Variants in ARHGEF11 observed in about 807,000 individuals in gnomAD.
ARHGEF11 encodes the protein Rho guanine nucleotide exchange factor 11.
A neutral mutation model predicts 193.7 loss-of-function variants in ARHGEF11; 55 were observed. The ratio of observed to expected loss-of-function variants is 0.28; its 90% CI spans 0.23 to 0.36. The LOEUF is 0.36. Among genes scored for constraint, ARHGEF11 ranks in the 10% least tolerant of loss-of-function variants. The pLI, the probability that ARHGEF11 is intolerant of heterozygous loss-of-function variation, is 1.00. For synonymous variants in ARHGEF11, 693 were observed against 768.0 expected (o/e 0.90, Z 1.62); for missense variants, 1,723 against 2,005.6 (o/e 0.86, Z 2.69).
intron 38 of ARHGEF11, 150 bp downstream of exon 38, chr1:156,938,268 C>G (rs1655945298): frequency 1.5e-6 from 1 of 678,828 alleles, no homozygotes; most frequent in Admixed American, 3.3e-5. Flanking sequence ...ATCTCCCCGT[C>G]TTTAGAGCCA....
chr1:156,965,360 T>C (rs752851452), intron 11 of ARHGEF11, among the ~76,000 whole-genome samples: 42 of 152,188 alleles, frequency 2.8e-4, no homozygotes, highest in Non-Finnish European at 5.3e-4. Flanking sequence ...AAAGAGCGGC[T>C]AGGATAGGAA....
At chr1:156,986,665 T>C (rs766395784) in intron 1 of ARHGEF11, among the ~76,000 whole-genome samples, 4 of 152,220 alleles carry the variant, frequency 2.6e-5, no homozygotes, top group Non-Finnish European at 4.4e-5. Context: ...GAGGTCTGCA[T>C]GAGCACAACA....
At chr1:156,936,466 G>A (rs1254470756) in intron 40 of ARHGEF11, among the ~76,000 whole-genome samples, 7 of 94,588 alleles carry the variant, frequency 7.4e-5, no homozygotes, top group Non-Finnish European at 1.3e-4. Context: ...GCCAGCCCTT[G>A]TCTCAAATAA....
chr1:157,013,364 T>C (rs920800943), intron 1 of ARHGEF11, among the ~76,000 whole-genome samples: 2 of 151,676 alleles, frequency 1.3e-5, no homozygotes, highest in Non-Finnish European at 2.9e-5. Flanking sequence ...TGTGCTGCTG[T>C]ATGTAGCACA....
chr1:156,996,074 T>G (rs1666444193), intron 1 of ARHGEF11, among the ~76,000 whole-genome samples: 1 of 152,158 alleles, frequency 6.6e-6, no homozygotes, highest in African/African-American at 2.4e-5. Context: ...TGCATATAAA[T>G]TAGGATTAAA....
At chr1:156,950,918 A>G (rs1255613468) in intron 22 of ARHGEF11, among the ~76,000 whole-genome samples, 2 of 152,232 alleles carry the variant, frequency 1.3e-5, no homozygotes, top group Admixed American at 6.5e-5. Context: ...ATCAAGAGCA[A>G]GTAAGTCCAA....
intron 22 of ARHGEF11, among the ~76,000 whole-genome samples, 189 bp downstream of exon 22, chr1:156,951,384 T>C (rs1177870997): frequency 6.6e-6 from 1 of 152,166 alleles, no homozygotes; most frequent in East Asian, 1.9e-4. Flanking sequence ...ATCTGCTTGC[T>C]CTTCCACTGG....
intron 1 of ARHGEF11, among the ~76,000 whole-genome samples, chr1:157,023,356 G>T (rs1670227163): frequency 6.6e-6 from 1 of 152,142 alleles, no homozygotes; most frequent in Non-Finnish European, 1.5e-5. Flanking sequence ...CTCTAACCAA[G>T]ATATACAAAT....
chr1:157,031,653 A>AG (rs1671322542), intron 1 of ARHGEF11, among the ~76,000 whole-genome samples: 1 of 152,210 alleles, frequency 6.6e-6, no homozygotes, highest in Non-Finnish European at 1.5e-5. Context: ...CTCGAAGGTC[A>AG]GGGGGCTCTC....
chr1:156,957,959 T>C (rs12132684), intron 17 of ARHGEF11, 144 bp from the exon 18 acceptor site: 150,502 of 724,068 alleles, frequency 0.21, 17,111 homozygotes, highest in East Asian at 0.39. Context: ...GATGCACAAG[T>C]ATTTGGTACA....
intron 1 of ARHGEF11, among the ~76,000 whole-genome samples, chr1:157,010,954 A>G (rs1668469777): frequency 6.6e-6 from 1 of 152,250 alleles, no homozygotes; most frequent in Non-Finnish European, 1.5e-5. Context: ...TGATCCACAG[A>G]TTAAATGAAA....
chr1:157,037,430 T>C (rs982074858), intron 1 of ARHGEF11, among the ~76,000 whole-genome samples: 1 of 152,178 alleles, frequency 6.6e-6, no homozygotes, highest in African/African-American at 2.4e-5. Flanking sequence ...AATCCCTTCA[T>C]TCTCCCTACC....
At chr1:156,989,408 GACTA>G (rs1394919816) in intron 1 of ARHGEF11, among the ~76,000 whole-genome samples, 2 of 152,030 alleles carry the variant, frequency 1.3e-5, no homozygotes, top group African/African-American at 2.4e-5. Flanking sequence ...CACCACCACA[GACTA>G]ACTTACTCAA....
chr1:157,004,084 T>C (rs1667532186), intron 1 of ARHGEF11, among the ~76,000 whole-genome samples: 1 of 152,236 alleles, frequency 6.6e-6, no homozygotes, highest in Admixed American at 6.5e-5. Flanking sequence ...ATGGAGAAAC[T>C]AATGTCTAAA....
At chr1:157,022,627 T>C (rs1670131111) in intron 1 of ARHGEF11, among the ~76,000 whole-genome samples, 2 of 152,250 alleles carry the variant, frequency 1.3e-5, no homozygotes, top group African/African-American at 4.8e-5. Context: ...ATGCAATCCC[T>C]ATCAAAATCT....
rs1203209373 is a variant in ARHGEF11, at chr1:156,944,115, G to A, written c.3068-13C>T. ...AGCACGTGGAGGTCTGGAGGGGTATGGTCATGGGAAGGTGTTCCCTGGTGC... is the reference window on the plus strand; with the variant it reads ...AGCACGTGGAGGTCTGGAGGGGTATAGTCATGGGAAGGTGTTCCCTGGTGC... On this transcript the variant is annotated splice_polypyrimidine_tract_variant and intron_variant, in intron 31 of 40. Transcript: ENST00000368194. The A allele has an allele frequency of 1.2e-6, 2 of 1,611,430 alleles. No individual in the cohort carries two copies. Among genetic ancestry groups the A allele is most frequent in the South Asian group, 1.1e-5 (1 of 90,754 alleles).
rs761026325 is a variant in ARHGEF11 at position 156,956,441 on chromosome 1, C to T, written c.1650G>A (p.Pro550=). ...TCACCTTCTTGGTCTTAGGGAAGAA[C>T]GGTAGCCACTTGTCCTTGTCAGGAG... ...QSAPDKDKWL[P]FFPKTKKSSN... The change falls in exon 19 of 41, where the codon CCG becomes CCA. Residue 550 remains proline (P), a synonymous_variant. Transcript: ENST00000368194. 24 of 1,613,966 alleles carry T rather than the reference C, an allele frequency of 1.5e-5. No homozygotes were observed. Among genetic ancestry groups the T allele is most frequent in the African/African-American group, 1.3e-4 (10 of 74,904 alleles).
intron 1 of ARHGEF11, among the ~76,000 whole-genome samples, chr1:156,992,584 T>C (rs535724157): frequency 2.0e-4 from 30 of 148,362 alleles, no homozygotes; most frequent in Admixed American, 8.2e-4. Context: ...GGTGTGTCTG[T>C]GTGTGAATGT....
intron 1 of ARHGEF11, among the ~76,000 whole-genome samples, chr1:157,040,571 C>A (rs907572138): frequency 2.0e-5 from 3 of 152,170 alleles, no homozygotes; most frequent in African/African-American, 7.2e-5. Flanking sequence ...ATTCAGTAAC[C>A]CTTCTCTTCT....
Sources: gnomAD v4.1 joint callset for allele counts (sites outside exome capture counted in the v4.1 genomes callset) on GRCh38, gnomAD v4.1.1 for gene constraint, MANE v1.5 for transcripts, NCBI Gene and HGNC (gene_info 2026-07-23, HGNC 2026-07-21) for gene names.